FAM107B: variants seen among roughly 807,000 people sequenced by gnomAD.
FAM107B encodes protein FAM107B.
A neutral mutation model predicts 31.5 loss-of-function variants in FAM107B; 21 were observed. The observed-to-expected ratio is 0.67, with a 90% CI of 0.47 to 0.96. FAM107B has a LOEUF of 0.96. FAM107B is among the 40% of genes least tolerant of loss of function. FAM107B has a pLI of 0.00. For synonymous variants in FAM107B, 157 were observed against 141.5 expected (o/e 1.11, Z -0.78); for missense variants, 452 against 377.1 (o/e 1.20, Z -1.64).
intron 1 of FAM107B, among the ~76,000 whole-genome samples, chr10:14,760,701 G>A (rs992715310): frequency 8.8e-6 from 1 of 114,018 alleles, no homozygotes; most frequent in African/African-American, 3.8e-5. Context: ...CTGATTTAAG[G>A]ATGAAGGATG....
intron 1 of FAM107B, among the ~76,000 whole-genome samples, chr10:14,710,053 T>A (rs1488212845): frequency 6.6e-6 from 1 of 152,082 alleles, no homozygotes; most frequent in Non-Finnish European, 1.5e-5. Flanking sequence ...GTACCAAGAG[T>A]GACCCCAATG....
At chr10:14,523,381 G>A (rs1295499827) in intron 3 of FAM107B, among the ~76,000 whole-genome samples, 1 of 152,262 alleles carries the variant, frequency 6.6e-6, no homozygotes, top group Non-Finnish European at 1.5e-5. Context: ...AGCACAGGGT[G>A]TAGGTAACAG....
chr10:14,638,786 A>G (rs2131429147), intron 2 of FAM107B, among the ~76,000 whole-genome samples: 1 of 152,028 alleles, frequency 6.6e-6, no homozygotes, highest in South Asian at 2.1e-4. Context: ...TCACTGTCTC[A>G]TGTCTAGATG....
At chr10:14,636,636 C>G (rs1853506892) in intron 2 of FAM107B, among the ~76,000 whole-genome samples, 1 of 152,030 alleles carries the variant, frequency 6.6e-6, no homozygotes, top group East Asian at 1.9e-4. Context: ...AAAGGTCCAT[C>G]TCCAAACACA....
At chr10:14,563,126 AG>A (rs540047882) in intron 2 of FAM107B, among the ~76,000 whole-genome samples, 618 of 152,366 alleles carry the variant, frequency 4.1e-3, no homozygotes, top group Non-Finnish European at 7.2e-3. Flanking sequence ...TAAAAACTTG[AG>A]GGAGAAAACA....
At chr10:14,664,787 A>T (rs1025840869) in intron 2 of FAM107B, among the ~76,000 whole-genome samples, 2 of 152,256 alleles carry the variant, frequency 1.3e-5, no homozygotes, top group Non-Finnish European at 2.9e-5. Context: ...GACATTCAGT[A>T]AAAGTTTTTT....
chr10:14,594,159 G>A (rs1852105701), intron 2 of FAM107B, among the ~76,000 whole-genome samples: 1 of 152,122 alleles, frequency 6.6e-6, no homozygotes, highest in African/African-American at 2.4e-5. Context: ...ATCACTTTAA[G>A]ACACTATCAT....
At chr10:14,588,035 A>C (rs1015617006) in intron 2 of FAM107B, among the ~76,000 whole-genome samples, 2 of 152,198 alleles carry the variant, frequency 1.3e-5, no homozygotes, top group African/African-American at 4.8e-5. Flanking sequence ...ATGAGTAAAA[A>C]ATAATTTACT....
chr10:14,722,898 G>A (rs1855945568), intron 1 of FAM107B, among the ~76,000 whole-genome samples: 1 of 152,050 alleles, frequency 6.6e-6, no homozygotes, highest in Non-Finnish European at 1.5e-5. Context: ...CTAATCCAAG[G>A]TCATGAAGAC....
intron 2 of FAM107B, among the ~76,000 whole-genome samples, chr10:14,664,063 A>C (rs1462928627): frequency 6.6e-6 from 1 of 152,092 alleles, no homozygotes; most frequent in Non-Finnish European, 1.5e-5. Context: ...TTCTCTTGAA[A>C]AACTTCCTGG....
At chr10:14,644,189 A>T (rs918061599) in intron 2 of FAM107B, among the ~76,000 whole-genome samples, 5 of 152,208 alleles carry the variant, frequency 3.3e-5, no homozygotes, top group Non-Finnish European at 7.3e-5. Context: ...ATTTACAATG[A>T]TACAATGATA....
chr10:14,572,340 G>A (rs1423303214), intron 2 of FAM107B: 1 of 985,276 alleles, frequency 1.0e-6, no homozygotes, highest in Non-Finnish European at 1.2e-6. Flanking sequence ...AGCCCTGGGT[G>A]GGTACCAGGT....
chr10:14,665,486 T>C (rs1416360953), intron 2 of FAM107B, among the ~76,000 whole-genome samples: 1 of 152,256 alleles, frequency 6.6e-6, no homozygotes, highest in Non-Finnish European at 1.5e-5. Flanking sequence ...TAGTGGGCAC[T>C]ATGCCAAGAG....
chr10:14,521,915 G>A lies in FAM107B; in HGVS notation c.758C>T (p.Ser253Phe), dbSNP rs751009216. 1 of 1,614,016 alleles carries A rather than the reference G, an allele frequency of 6.2e-7. No homozygotes were observed. The highest frequency in any genetic ancestry group is 1.3e-5 in the African/African-American group (1 of 74,928). The change falls in exon 4 of 5, where the codon TCT becomes TTT. Residue 253 changes from serine to phenylalanine, a missense_variant. By Grantham distance (155) the Ser-to-Phe change is radical. Coordinates refer to ENST00000181796, the MANE Select transcript of FAM107B (RefSeq NM_031453.4). ...TTTTAATAGCTCTATTTCCAAGTCA[G>A]ATTTCTTCTTCTGTGCTTCTTCTTC... ...QKEEEAQKKK[S>F]DLEIELLKRQ...
At chr10:14,656,832 A>G (rs988736479) in intron 2 of FAM107B, among the ~76,000 whole-genome samples, 5 of 152,214 alleles carry the variant, frequency 3.3e-5, no homozygotes, top group African/African-American at 1.2e-4. Flanking sequence ...GCACACTGAA[A>G]ATTTCATTCC....
intron 2 of FAM107B, among the ~76,000 whole-genome samples, chr10:14,557,659 T>C (rs1243031024): frequency 6.6e-6 from 1 of 152,256 alleles, no homozygotes; most frequent in Non-Finnish European, 1.5e-5. Flanking sequence ...ACATTCGAAG[T>C]GCTTACTGCA....
rs577964584 is a variant in FAM107B at position 14,561,087 on chromosome 10, C to A, written c.470-30572G>T. On this transcript the variant is annotated intron_variant, in intron 2 of 4. Transcript: ENST00000181796. ...CTTTTGAAGGGAGCCGGACACCTGG[C>A]GAGTAAATGCCATCTTGTGTAGAGT... Among the ~76,000 whole-genome samples, 8 of 152,326 alleles carry A rather than the reference C, an allele frequency of 5.3e-5. No homozygotes were observed. In the East Asian group the frequency reaches 1.5e-3, roughly 29 times the overall value.
chr10:14,647,320 T>G (rs947500057), intron 2 of FAM107B, among the ~76,000 whole-genome samples: 8 of 152,168 alleles, frequency 5.3e-5, no homozygotes, highest in Non-Finnish European at 1.0e-4. Context: ...CTTGGCCAGA[T>G]TTTCAGTGCT....
At chr10:14,625,349 T>C (rs1022418000) in intron 2 of FAM107B, among the ~76,000 whole-genome samples, 2 of 151,694 alleles carry the variant, frequency 1.3e-5, no homozygotes, top group Non-Finnish European at 2.9e-5. Context: ...TGTCTCAGAG[T>C]CATCCTTCGT....
Sources: gnomAD v4.1 joint callset for allele counts (sites outside exome capture counted in the v4.1 genomes callset) on GRCh38, gnomAD v4.1.1 for gene constraint, MANE v1.5 for transcripts, NCBI Gene and HGNC (gene_info 2026-07-23, HGNC 2026-07-21) for gene names.